Variants in TAF1 observed in about 807,000 individuals in gnomAD.
TAF1 encodes transcription initiation factor TFIID subunit 1.
TAF1 carries 2 observed loss-of-function variants against 138.5 expected under a neutral mutation model. The observed-to-expected ratio is 0.01, with a 90% CI of 0.01 to 0.05. The LOEUF is 0.05. TAF1 is among the 10% of genes least tolerant of loss of function. The probability of loss-of-function intolerance (pLI) is 1.00; values close to 1 mark genes in which losing one functional copy is unlikely to be tolerated. For missense variants in TAF1, 709 were observed against 1,478.0 expected, an observed-to-expected ratio of 0.48 and a Z score of 8.53; for synonymous variants, 437 against 503.2, an observed-to-expected ratio of 0.87 and a Z score of 1.76.
chrX:71,427,959 A>T (rs2036675407), intron 32 of TAF1, among the ~76,000 whole-genome samples: 1 of 106,859 alleles, frequency 9.4e-6, no homozygotes, highest in South Asian at 4.1e-4. Flanking sequence ...AAAAAAAAAA[A>T]GCAATTGAAA....
At position 71,384,972 on chromosome X, in the gene TAF1, G is replaced by C; in HGVS notation, c.2149G>C (p.Asp717His). 3.3e-6 allele frequency: 4 copies of C among 1,210,409 alleles called. No homozygotes were observed. The highest frequency in any genetic ancestry group is 4.5e-6 in the Non-Finnish European group (4 of 894,730). ...RKPGKDPGAP[D>H]CKYGETVYCH... ...ACCTGGAAAAGATCCTGGAGCACCAGATTGTAAATATGGGGAAACTGTTTA... is the reference window on the plus strand; with the variant it reads ...ACCTGGAAAAGATCCTGGAGCACCACATTGTAAATATGGGGAAACTGTTTA... Residue 717 changes from aspartate to histidine, a missense_variant, in exon 14 of 38, where the codon GAT (aspartate) becomes CAT (histidine). By Grantham distance (81) the Asp-to-His change is moderately conservative. Transcript: ENST00000423759.
intron 3 of TAF1, chrX:71,369,014 C>G (rs1439019015): frequency 9.4e-6 from 1 of 106,406 alleles, no homozygotes; most frequent in Non-Finnish European, 1.9e-5. Context: ...CCAAGCCCGG[C>G]TATTTTTTTG....
chrX:71,487,384 C>T (rs929026359), intron 13 of TAF1, among the ~76,000 whole-genome samples: 1 of 92,959 alleles, frequency 1.1e-5, no homozygotes, highest in Non-Finnish European at 2.0e-5. Context: ...AGTGCAGTGG[C>T]GCGACCTTGG....
rs754842209 is a variant in TAF1, at chrX:71,394,106, C to T, written c.3267C>T (p.Asp1089=). ...SSTEVLSTDT[D]SSSAEDSDFE... ...CTGAAGTCTTATCAACTGACACAGA[C>T]AGCAGCTCAGCTGAAGATAGTGACT... The change falls in exon 22 of 38, where the codon GAC becomes GAT. Residue 1089 remains aspartate (D), a synonymous_variant. Coordinates refer to ENST00000423759, the MANE Select transcript of TAF1 (RefSeq NM_004606.5). 1.4e-5 allele frequency: 17 copies of T among 1,211,538 alleles called. No individual in the cohort carries two copies. Among genetic ancestry groups the T allele is most frequent in the Non-Finnish European group, 1.8e-5 (16 of 895,452 alleles).
intron 13 of TAF1, among the ~76,000 whole-genome samples, chrX:71,502,750 C>T (rs1414707364): frequency 9.0e-6 from 1 of 110,608 alleles, no homozygotes; most frequent in Non-Finnish European, 1.9e-5. Flanking sequence ...CCAGCCTGGC[C>T]AATATGGCAA....
chrX:71,457,423 A>C (rs1053623369), intron 34 of TAF1, among the ~76,000 whole-genome samples: 1 of 112,603 alleles, frequency 8.9e-6, no homozygotes, highest in Non-Finnish European at 1.9e-5. Flanking sequence ...TTTTAAAATG[A>C]AATTGATCAA....
Position 71,381,962 on chromosome X carries a change from C to T in TAF1, c.1537+43C>T, listed in dbSNP as rs186281458. The T allele has an allele frequency of 2.0e-4, 225 of 1,109,726 alleles. 1 individual carries two copies. The African/African-American group carries it at 3.8e-3, about 19-fold the overall frequency. The allele number at this position is 1,109,726 out of a possible 1,213,427, so 91.5% of individuals were successfully genotyped here. A position where few individuals can be genotyped will look rare whatever the true frequency, so the allele number is the denominator to read the frequency against. ...GCCAGTGTTTCTTCTCCTTTGAAAA[C>T]TTGCTGTTAATGTCAACGGGCAGGA... On this transcript the variant is annotated intron_variant, in intron 9 of 37. Transcript: ENST00000423759.
At chrX:71,458,394 A>T in intron 35 of TAF1, 28 bp downstream of exon 35, 1 of 1,202,106 alleles carries the variant, frequency 8.3e-7, no homozygotes, top group Non-Finnish European at 1.1e-6. Context: ...TCTTTATAAG[A>T]TTGTTATTGT....
At chrX:71,529,951 G>C (rs2040072890) in exon 15 of TAF1, 1 of 207,110 alleles carries the variant, frequency 4.8e-6, no homozygotes. Context: ...AACTCCCATA[G>C]GGTGTGCTCC....
intron 18 of TAF1, among the ~76,000 whole-genome samples, chrX:71,391,766 A>G (rs1052566111): frequency 1.9e-5 from 2 of 108,017 alleles, no homozygotes; most frequent in Non-Finnish European, 3.8e-5. Flanking sequence ...AGCTGGGACT[A>G]TAGGTGTGCG....
chrX:71,367,299 G>A (rs1436741292), intron 1 of TAF1, among the ~76,000 whole-genome samples, 200 bp from the exon 2 acceptor site: 1 of 112,465 alleles, frequency 8.9e-6, no homozygotes, highest in Non-Finnish European at 1.9e-5. Flanking sequence ...AGTTGGCTGT[G>A]GTGCTTTAAT....
intron 13 of TAF1, among the ~76,000 whole-genome samples, chrX:71,494,545 G>T (rs2039360541): frequency 8.9e-6 from 1 of 112,375 alleles, no homozygotes; most frequent in African/African-American, 3.2e-5. Flanking sequence ...TTCCAGTGTG[G>T]CCCAGGGAAG....
At chrX:71,503,277 A>AAAAAAATATATATATGTGTGTATATAT (rs1569408229) in intron 13 of TAF1, among the ~76,000 whole-genome samples, 2 of 90,169 alleles carry the variant, frequency 2.2e-5, no homozygotes, top group African/African-American at 9.0e-5. Flanking sequence ...TCAAAAAAAA[A>AAAAAAATATATATATGTGTGTATATAT]ATATATATAT....
At chrX:71,373,769 G>A (rs961165084) in intron 3 of TAF1, among the ~76,000 whole-genome samples, 8 of 111,305 alleles carry the variant, frequency 7.2e-5, no homozygotes, top group Non-Finnish European at 1.1e-4. Flanking sequence ...AGGGAATAGG[G>A]AACGTATAGG....
chrX:71,496,346 A>G (rs991370219), intron 13 of TAF1, among the ~76,000 whole-genome samples: 6 of 112,348 alleles, frequency 5.3e-5, no homozygotes, highest in African/African-American at 1.9e-4. Flanking sequence ...TCTTGTTTAC[A>G]CTGACAGTAA....
rs1326882414 is a variant in TAF1 at position 71,464,078 on chromosome X, C to T, written c.*32C>T. On this transcript the variant is annotated 3_prime_UTR_variant, in exon 38 of 38. Coordinates refer to ENST00000423759, the MANE Select transcript of TAF1 (RefSeq NM_004606.5). ...CTTTGGGCCTCCTTGGTCAGCCTTC[C>T]CTGTTCTCCAGCCTAGGTGGTTCAC... 1 of 1,145,000 alleles carries T rather than the reference C, an allele frequency of 8.7e-7. No homozygotes were observed. Among genetic ancestry groups the T allele is most frequent in the South Asian group, 1.9e-5 (1 of 51,870 alleles). The allele number at this position is 1,145,000 out of a possible 1,213,427, so 94.4% of individuals were successfully genotyped here. A position where few individuals can be genotyped will look rare whatever the true frequency, so the allele number is the denominator to read the frequency against.
chrX:71,450,747 A>G (rs778153525), intron 32 of TAF1, among the ~76,000 whole-genome samples: 2 of 112,348 alleles, frequency 1.8e-5, no homozygotes, highest in Admixed American at 9.5e-5. Context: ...ATCATCTCCA[A>G]TGCCTGGCAC....
chrX:71,374,355 G>A lies in TAF1; in HGVS notation c.353-812G>A, dbSNP rs113434401. Among the ~76,000 whole-genome samples the A allele has an allele frequency of 9.9e-3, 1,102 of 111,731 alleles. 16 individuals carry two copies. Among genetic ancestry groups the A allele is most frequent in the African/African-American group, 0.033 (1,026 of 30,802 alleles). On this transcript the variant is annotated intron_variant, in intron 3 of 37. Coordinates refer to ENST00000423759, the MANE Select transcript of TAF1 (RefSeq NM_004606.5). The stretch of plus-strand genomic sequence containing the variant: ...CGCCTCAGCCTCCCAGAGTGCTGGC[G>A]TGAGCCACCATGCCCAGCCATCATA...
chrX:71,388,402 TG>T (rs1265041285), intron 16 of TAF1, 24 bp downstream of exon 16: 7 of 1,187,306 alleles, frequency 5.9e-6, no homozygotes, highest in Non-Finnish European at 7.9e-6. Flanking sequence ...ACTAGTTATT[TG>T]TCTGCCTTTT....
Sources: gnomAD v4.1 joint callset for allele counts (sites outside exome capture counted in the v4.1 genomes callset) on GRCh38, gnomAD v4.1.1 for gene constraint, MANE v1.5 for transcripts, NCBI Gene and HGNC (gene_info 2026-07-23, HGNC 2026-07-21) for gene names.